CACNA2D3: variants seen among roughly 807,000 people sequenced by gnomAD.
CACNA2D3 encodes the protein calcium voltage-gated channel auxiliary subunit alpha2delta 3, also known as voltage-dependent calcium channel subunit alpha-2/delta-3.
Under a neutral mutation model 160.6 loss-of-function variants are expected in CACNA2D3, and 60 were observed. The ratio of observed to expected loss-of-function variants is 0.37; its 90% CI spans 0.30 to 0.46. The LOEUF (loss-of-function observed/expected upper bound fraction) is 0.46, where lower values mean the gene tolerates loss of function less well. Among genes scored for constraint, CACNA2D3 ranks in the 20% least tolerant of loss-of-function variants. CACNA2D3 has a pLI of 1.00. For missense variants in CACNA2D3, 1,205 were observed against 1,365.0 expected (o/e 0.88, Z 1.85); for synonymous variants, 558 against 492.9 (o/e 1.13, Z -1.75).
intron 35 of CACNA2D3, among the ~76,000 whole-genome samples, chr3:55,072,740 T>G (rs1233181597): frequency 1.3e-5 from 2 of 152,204 alleles, no homozygotes; most frequent in Admixed American, 6.5e-5. Context: ...TATAGTGTCT[T>G]TCTTTGTCAC....
At chr3:54,763,562 A>G (rs1220964338) in intron 12 of CACNA2D3, among the ~76,000 whole-genome samples, 1 of 151,090 alleles carries the variant, frequency 6.6e-6, no homozygotes, top group Non-Finnish European at 1.5e-5. Context: ...AATATCATGT[A>G]GAAAGAACTG....
chr3:54,188,429 G>T (rs1700922072), intron 2 of CACNA2D3, among the ~76,000 whole-genome samples: 1 of 152,226 alleles, frequency 6.6e-6, no homozygotes, highest in South Asian at 2.1e-4. Flanking sequence ...GCTGAATGTT[G>T]TAAGAATAGC....
intron 2 of CACNA2D3, among the ~76,000 whole-genome samples, chr3:54,195,138 G>T (rs11716284): frequency 1.3e-5 from 2 of 152,132 alleles, no homozygotes; most frequent in African/African-American, 4.8e-5. Flanking sequence ...ACATTCCAGA[G>T]TCCCGCCTCC....
intron 13 of CACNA2D3, among the ~76,000 whole-genome samples, chr3:54,799,847 G>A (rs1490971663): frequency 2.6e-5 from 4 of 152,088 alleles, no homozygotes; most frequent in East Asian, 1.9e-4. Context: ...AGGTTGACAG[G>A]AGGCTGAAAG....
intron 27 of CACNA2D3, among the ~76,000 whole-genome samples, chr3:54,905,198 A>C (rs1195889573): frequency 2.6e-5 from 4 of 152,212 alleles, no homozygotes; most frequent in Non-Finnish European, 5.9e-5. Context: ...AACACTTTAG[A>C]TCTGTTACTG....
intron 11 of CACNA2D3, among the ~76,000 whole-genome samples, chr3:54,649,092 C>G (rs373125029): frequency 2.0e-5 from 3 of 152,124 alleles, no homozygotes; most frequent in African/African-American, 7.2e-5. Context: ...GACTTGATGC[C>G]GAATACTCCT....
chr3:54,575,486 T>A (rs1229127522), intron 8 of CACNA2D3, among the ~76,000 whole-genome samples: 1 of 152,244 alleles, frequency 6.6e-6, no homozygotes, highest in African/African-American at 2.4e-5. Context: ...CCTTTTTGTT[T>A]CTTTGTTCTA....
chr3:54,556,195 A>C (rs183021881), intron 5 of CACNA2D3, among the ~76,000 whole-genome samples: 1 of 152,322 alleles, frequency 6.6e-6, no homozygotes, highest in East Asian at 1.9e-4. Context: ...TTATTTGAAT[A>C]TAGGGTCTTT....
intron 21 of CACNA2D3, among the ~76,000 whole-genome samples, chr3:54,884,931 A>C (rs114756993): frequency 2.6e-5 from 4 of 152,154 alleles, no homozygotes; most frequent in African/African-American, 9.7e-5. Context: ...CCGGTTCCCA[A>C]CTTAGACTAA....
intron 4 of CACNA2D3, among the ~76,000 whole-genome samples, chr3:54,484,723 T>A (rs192142572): frequency 1.3e-5 from 2 of 152,364 alleles, no homozygotes; most frequent in East Asian, 1.9e-4. Context: ...GTTATTATGA[T>A]GTGGAAACTA....
intron 13 of CACNA2D3, among the ~76,000 whole-genome samples, chr3:54,774,471 C>T (rs1702383851): frequency 6.6e-6 from 1 of 152,010 alleles, no homozygotes; most frequent in Admixed American, 6.5e-5. Context: ...CTCAGGAGAA[C>T]AGCAAGGGCG....
At chr3:54,828,633 G>T (rs1365157741) in intron 14 of CACNA2D3, among the ~76,000 whole-genome samples, 2 of 152,122 alleles carry the variant, frequency 1.3e-5, no homozygotes, top group Admixed American at 1.3e-4. Flanking sequence ...TTCCAAGATT[G>T]TCCAGCATTA....
intron 20 of CACNA2D3, 45 bp from the exon 21 acceptor site, chr3:54,880,751 A>T: frequency 6.7e-7 from 1 of 1,491,470 alleles, no homozygotes; most frequent in Non-Finnish European, 9.4e-7. Context: ...AGTCTATTCG[A>T]GTCGATGCCA....
chr3:54,748,406 T>G (rs1701796276), intron 11 of CACNA2D3, among the ~76,000 whole-genome samples: 1 of 152,212 alleles, frequency 6.6e-6, no homozygotes, highest in Admixed American at 6.5e-5. Context: ...GTTTTTTGTT[T>G]GTTCCATTGG....
intron 17 of CACNA2D3, among the ~76,000 whole-genome samples, chr3:54,862,925 AT>A (rs535634971): frequency 2.8e-3 from 433 of 152,332 alleles, no homozygotes; most frequent in Non-Finnish European, 4.5e-3. Context: ...TGTACCTCAT[AT>A]TCAAAACGGT....
chr3:54,935,008 G>A (rs930990252), intron 27 of CACNA2D3, among the ~76,000 whole-genome samples: 1 of 152,222 alleles, frequency 6.6e-6, no homozygotes, highest in African/African-American at 2.4e-5. Flanking sequence ...AAAGTGCTGG[G>A]ACTGCAGGCA....
chr3:54,298,080 A>G (rs1158086432), intron 2 of CACNA2D3, among the ~76,000 whole-genome samples: 1 of 152,220 alleles, frequency 6.6e-6, no homozygotes, highest in African/African-American at 2.4e-5. Context: ...AGCGTAAGCC[A>G]AAGAGTATAT....
intron 2 of CACNA2D3, among the ~76,000 whole-genome samples, chr3:54,286,424 CTA>C (rs1703028555): frequency 6.6e-6 from 1 of 152,148 alleles, no homozygotes. Context: ...AAATATGGAA[CTA>C]TGTGAAAAGA....
In CACNA2D3 at chr3:54,582,002, T is replaced by C; in HGVS notation, c.963+125T>C. 5 of 673,190 alleles carry C rather than the reference T, an allele frequency of 7.4e-6. No homozygotes were observed. In the South Asian group the frequency reaches 1.0e-4, roughly 14 times the overall value. 41.7% of individuals were successfully genotyped at this position (673,190 alleles called of 1,614,324 possible). ...TTCATTGAGGCCCTTGGAGCCCCCA[T>C]GTGTAGAATATTTATTAAGAGCACA... On this transcript the variant is annotated intron_variant, in intron 9 of 37. Coordinates refer to ENST00000474759, the MANE Select transcript of CACNA2D3 (RefSeq NM_018398.3).
Sources: gnomAD v4.1 joint callset for allele counts (sites outside exome capture counted in the v4.1 genomes callset) on GRCh38, gnomAD v4.1.1 for gene constraint, MANE v1.5 for transcripts, NCBI Gene and HGNC (gene_info 2026-07-23, HGNC 2026-07-21) for gene names.